Variants in TGFA observed in about 807,000 individuals in gnomAD.
TGFA encodes the protein transforming growth factor alpha.
TGFA carries 12 observed loss-of-function variants against 21.7 expected under a neutral mutation model. The observed-to-expected ratio is 0.55, with a 90% CI of 0.35 to 0.90. The LOEUF (loss-of-function observed/expected upper bound fraction) is 0.90, where lower values mean the gene tolerates loss of function less well. TGFA is among the 40% of genes least tolerant of loss of function. TGFA has a pLI of 0.01. For missense variants in TGFA, 178 were observed against 210.8 expected, an observed-to-expected ratio of 0.84 and a Z score of 0.96; for synonymous variants, 79 against 88.1, an observed-to-expected ratio of 0.90 and a Z score of 0.58.
At chr2:70,553,163 G>C (rs950562277) in intron 1 of TGFA, 2 of 1,535,228 alleles carry the variant, frequency 1.3e-6, no homozygotes, top group Non-Finnish European at 1.7e-6. Context: ...CCATTAATCC[G>C]CCCAAAAATC....
intron 2 of TGFA, among the ~76,000 whole-genome samples, chr2:70,473,462 T>C (rs782211288): frequency 7.3e-5 from 11 of 151,474 alleles, no homozygotes; most frequent in Non-Finnish European, 1.5e-4. Flanking sequence ...AGTGTGGCAA[T>C]GCTACTGACC....
chr2:70,470,136 T>G (rs1322373685), intron 2 of TGFA, among the ~76,000 whole-genome samples: 2 of 141,670 alleles, frequency 1.4e-5, no homozygotes, highest in Non-Finnish European at 1.5e-5. Flanking sequence ...AGAGACGGGG[T>G]GGGGTTATGA....
intron 3 of TGFA, among the ~76,000 whole-genome samples, chr2:70,463,418 C>G (rs947032162): frequency 1.3e-5 from 2 of 152,104 alleles, no homozygotes; most frequent in Non-Finnish European, 2.9e-5. Context: ...AGGCTTGGGA[C>G]TGAGGGGAAT....
At chr2:70,464,881 C>T (rs1457736916) in intron 3 of TGFA, among the ~76,000 whole-genome samples, 1 of 152,180 alleles carries the variant, frequency 6.6e-6, no homozygotes, top group Admixed American at 6.5e-5. Context: ...CTCTACTCCC[C>T]CTAACTGGTC....
chr2:70,471,654 G>A (rs1354747083), intron 2 of TGFA, among the ~76,000 whole-genome samples: 1 of 152,218 alleles, frequency 6.6e-6, no homozygotes, highest in Non-Finnish European at 1.5e-5. Flanking sequence ...GGTGAAGGTA[G>A]GGGAGGGCAG....
intron 2 of TGFA, among the ~76,000 whole-genome samples, chr2:70,469,598 A>G (rs1401834410): frequency 1.3e-5 from 2 of 152,140 alleles, no homozygotes; most frequent in Non-Finnish European, 1.5e-5. Flanking sequence ...CGGCCTCCCA[A>G]AGTGCTGAGA....
intron 1 of TGFA, among the ~76,000 whole-genome samples, chr2:70,542,184 G>A (rs569899877): frequency 1.3e-5 from 2 of 152,214 alleles, no homozygotes; most frequent in East Asian, 3.9e-4. Flanking sequence ...TTCCTTGTTA[G>A]TTGCTAAGAA....
At chr2:70,450,953 G>A in intron 5 of TGFA, 87 bp from the exon 6 acceptor site, 1 of 1,501,158 alleles carries the variant, frequency 6.7e-7, no homozygotes, top group South Asian at 1.2e-5. Context: ...ACTTGGAGAT[G>A]GCAGAGCCAA....
At chr2:70,541,740 T>C (rs1673136554) in intron 1 of TGFA, among the ~76,000 whole-genome samples, 1 of 152,128 alleles carries the variant, frequency 6.6e-6, no homozygotes, top group Non-Finnish European at 1.5e-5. Flanking sequence ...AGAGTCCAGA[T>C]CCAGAAGGAT....
chr2:70,481,129 G>A (rs1807968), intron 2 of TGFA, among the ~76,000 whole-genome samples: 79,536 of 151,878 alleles, frequency 0.52, 20,986 homozygotes, highest in East Asian at 0.61. Context: ...AAGCCCTAAG[G>A]GTCTCATTTC....
intron 1 of TGFA, among the ~76,000 whole-genome samples, chr2:70,551,943 A>C (rs1240898606): frequency 6.6e-6 from 1 of 152,082 alleles, no homozygotes; most frequent in African/African-American, 2.4e-5. Context: ...TCAAACACTT[A>C]CTCAAATGTG....
chr2:70,454,918 C>T lies in TGFA; in HGVS notation c.365+1421G>A, dbSNP rs567531981. 1.0e-3 allele frequency among the ~76,000 whole-genome samples: 152 copies of T among 152,308 alleles called. 1 individual carries two copies. The highest frequency in any genetic ancestry group is 3.2e-3 in the African/African-American group (135 of 41,566). Reference sequence around the variant, plus strand: ...CCTGTGTGGGCCACCAGTCTTGTTCCTAAGTCCCTGTGACCCTCCTGGCCA... The same window carrying T: ...CCTGTGTGGGCCACCAGTCTTGTTCTTAAGTCCCTGTGACCCTCCTGGCCA... On this transcript the variant is annotated intron_variant, in intron 4 of 5. Coordinates refer to ENST00000295400, the MANE Select transcript of TGFA (RefSeq NM_003236.4).
At chr2:70,504,327 T>C (rs1049638468) in intron 2 of TGFA, among the ~76,000 whole-genome samples, 3 of 150,888 alleles carry the variant, frequency 2.0e-5, no homozygotes, top group East Asian at 1.9e-4. Context: ...GGAGGATTAC[T>C]TGAGCCCAGG....
At chr2:70,455,888 GT>G (rs2103667112) in intron 4 of TGFA, among the ~76,000 whole-genome samples, 1 of 152,338 alleles carries the variant, frequency 6.6e-6, no homozygotes, top group East Asian at 1.9e-4. Flanking sequence ...AGGAAGGGCT[GT>G]GCAGAATGAT....
intron 2 of TGFA, among the ~76,000 whole-genome samples, chr2:70,474,536 C>T (rs1670867083): frequency 6.6e-6 from 1 of 152,168 alleles, no homozygotes; most frequent in Non-Finnish European, 1.5e-5. Flanking sequence ...GGGAACTATA[C>T]ATATGGAACT....
chr2:70,537,257 T>G (rs1451840745), intron 1 of TGFA, among the ~76,000 whole-genome samples: 1 of 152,100 alleles, frequency 6.6e-6, no homozygotes, highest in Non-Finnish European at 1.5e-5. Context: ...TTTCTCCATC[T>G]CTCTCCTTCT....
At chr2:70,469,556 C>T (rs1288703146) in intron 2 of TGFA, among the ~76,000 whole-genome samples, 4 of 152,074 alleles carry the variant, frequency 2.6e-5, no homozygotes, top group Admixed American at 1.3e-4. Flanking sequence ...AGGCTGGCCT[C>T]GAACTCCTGG....
intron 3 of TGFA, among the ~76,000 whole-genome samples, chr2:70,457,176 T>C (rs1670259166): frequency 6.6e-6 from 1 of 152,336 alleles, no homozygotes; most frequent in Non-Finnish European, 1.5e-5. Context: ...CTGGTATTGC[T>C]ACCATTCAGA....
At chr2:70,540,616 A>C (rs1290592439) in intron 1 of TGFA, among the ~76,000 whole-genome samples, 2 of 152,228 alleles carry the variant, frequency 1.3e-5, no homozygotes, top group African/African-American at 4.8e-5. Flanking sequence ...ACAGAAAATC[A>C]TTTCTACCCC....
Sources: gnomAD v4.1 joint callset for allele counts (sites outside exome capture counted in the v4.1 genomes callset) on GRCh38, gnomAD v4.1.1 for gene constraint, MANE v1.5 for transcripts, NCBI Gene and HGNC (gene_info 2026-07-23, HGNC 2026-07-21) for gene names.